Variants in TEAD1 observed in about 807,000 individuals in gnomAD.
The protein encoded by TEAD1 is transcriptional enhancer factor TEF-1.
TEAD1 carries 9 observed loss-of-function variants against 54.9 expected under a neutral mutation model. The ratio of observed to expected loss-of-function variants is 0.16; its 90% CI spans 0.10 to 0.29. The LOEUF (loss-of-function observed/expected upper bound fraction) is 0.29. TEAD1 is among the 10% of genes least tolerant of loss of function. The probability of loss-of-function intolerance (pLI) is 1.00; values close to 1 mark genes in which losing one functional copy is unlikely to be tolerated. For missense variants in TEAD1, 387 were observed against 535.9 expected (o/e 0.72, Z 2.74); for synonymous variants, 200 against 187.8 (o/e 1.07, Z -0.53).
chr11:12,894,781 C>T (rs1348794456), intron 9 of TEAD1, among the ~76,000 whole-genome samples: 1 of 152,158 alleles, frequency 6.6e-6, no homozygotes, highest in Non-Finnish European at 1.5e-5. Flanking sequence ...ATTGATTTCA[C>T]ATTATTTCGT....
rs904063984 is a variant in TEAD1, at chr11:12,687,909, A to C, written c.-55+12348A>C. ...CCTCCGGGCCAGGCTAATCCAAACT[A>C]TTCTCTAGGTGGGTGTAGTGGGTAG... On this transcript the variant is annotated intron_variant, in intron 2 of 12. Coordinates refer to ENST00000527636, the MANE Select transcript of TEAD1 (RefSeq NM_021961.6). 2.0e-5 allele frequency among the ~76,000 whole-genome samples: 3 copies of C among 152,136 alleles called. No individual in the cohort carries two copies. The South Asian group carries it at 6.2e-4, about 32-fold the overall frequency.
At chr11:12,859,756 G>GA (rs1947461679) in intron 3 of TEAD1, among the ~76,000 whole-genome samples, 2 of 152,080 alleles carry the variant, frequency 1.3e-5, no homozygotes. Context: ...AAATGGAGTA[G>GA]AAAAAATGTA....
chr11:12,718,648 T>A (rs979227646), intron 2 of TEAD1, among the ~76,000 whole-genome samples: 1 of 152,168 alleles, frequency 6.6e-6, no homozygotes, highest in Non-Finnish European at 1.5e-5. Flanking sequence ...AATGTGCTGA[T>A]TTTGTATAAG....
intron 2 of TEAD1, among the ~76,000 whole-genome samples, chr11:12,702,715 TTC>T (rs139292213): frequency 0.015 from 2,247 of 152,260 alleles, 51 homozygotes; most frequent in African/African-American, 0.052. Context: ...ACTTCCGTCC[TTC>T]TCTCGCCCGG....
chr11:12,906,040 T>G (rs1287556349), intron 10 of TEAD1, among the ~76,000 whole-genome samples: 1 of 152,142 alleles, frequency 6.6e-6, no homozygotes, highest in Non-Finnish European at 1.5e-5. Context: ...AAGATTCTAC[T>G]GGCATCCCAG....
At chr11:12,816,905 T>A (rs2133996629) in intron 3 of TEAD1, among the ~76,000 whole-genome samples, 1 of 152,320 alleles carries the variant, frequency 6.6e-6, no homozygotes, top group East Asian at 1.9e-4. Flanking sequence ...TTCTTCAAGA[T>A]GCCTTCTCTG....
At chr11:12,843,424 G>A (rs2134037857) in intron 3 of TEAD1, among the ~76,000 whole-genome samples, 1 of 152,350 alleles carries the variant, frequency 6.6e-6, no homozygotes, top group South Asian at 2.1e-4. Context: ...ACGCATTTTT[G>A]TGGATGTAAT....
At chr11:12,861,027 A>AAGG in intron 3 of TEAD1, among the ~76,000 whole-genome samples, 1 of 152,350 alleles carries the variant, frequency 6.6e-6, no homozygotes. Context: ...AATTTTTCAC[A>AAGG]AGGATAGAGC....
At chr11:12,730,755 C>T (rs1201353377) in intron 2 of TEAD1, among the ~76,000 whole-genome samples, 1 of 128,744 alleles carries the variant, frequency 7.8e-6, no homozygotes, top group African/African-American at 3.0e-5. Context: ...GGCTGGAGTG[C>T]ACTAGTGCAA....
Position 12,881,045 on chromosome 11 carries a change from C to G in TEAD1, c.506C>G (p.Ser169Ter). 1 of 1,614,140 alleles carries G rather than the reference C, an allele frequency of 6.2e-7. No homozygotes were observed. Among genetic ancestry groups the G allele is most frequent in the Non-Finnish European group, 8.5e-7 (1 of 1,180,024 alleles). The change falls in exon 7 of 13, where the codon TCA becomes TGA. Residue 169 changes from serine (S) to a stop codon, truncating the protein, a stop_gained. Transcript: ENST00000527636. LOFTEE classifies it high-confidence loss of function. ...ATTCAAACAGGGCAGCCAGGATCCTCACAAGAGTAAGTCTGAGGAGGGGTG... is the reference window on the plus strand; with the variant it reads ...ATTCAAACAGGGCAGCCAGGATCCTGACAAGAGTAAGTCTGAGGAGGGGTG...
chr11:12,734,578 C>G lies in TEAD1; in HGVS notation c.-54-29601C>G, dbSNP rs192748898. Among the ~76,000 whole-genome samples, 328 of 152,304 alleles carry G rather than the reference C, an allele frequency of 2.2e-3. 2 individuals carry two copies. Among genetic ancestry groups the G allele is most frequent in the African/African-American group, 7.6e-3 (317 of 41,564 alleles). On this transcript the variant is annotated intron_variant, in intron 2 of 12. Coordinates refer to ENST00000527636, the MANE Select transcript of TEAD1 (RefSeq NM_021961.6). ...GCAAGCTTCATTTATGGGAAGTGCC[C>G]TATGCAGGTGTACCATTTTAATCTT... is the stretch of plus-strand genomic sequence containing the variant.
intron 2 of TEAD1, among the ~76,000 whole-genome samples, chr11:12,701,679 A>G (rs992063534): frequency 2.7e-4 from 41 of 152,212 alleles, no homozygotes; most frequent in African/African-American, 9.1e-4. Flanking sequence ...CTAGTGGGAA[A>G]AGGGAGTTGT....
At chr11:12,823,806 A>G (rs759179212) in intron 3 of TEAD1, 1 of 152,128 alleles carries the variant, frequency 6.6e-6, no homozygotes. Context: ...GGCAACTATT[A>G]TGTCCCAGGC....
intron 3 of TEAD1, among the ~76,000 whole-genome samples, chr11:12,813,253 A>T (rs1178520561): frequency 6.6e-6 from 1 of 152,172 alleles, no homozygotes; most frequent in African/African-American, 2.4e-5. Flanking sequence ...AGGTGGAAGG[A>T]TGCCAGGGAA....
intron 2 of TEAD1, among the ~76,000 whole-genome samples, chr11:12,734,149 CAA>C (rs1366821088): frequency 2.6e-5 from 4 of 152,088 alleles, no homozygotes; most frequent in African/African-American, 4.8e-5. Flanking sequence ...CTCCTGGGCT[CAA>C]GAGATCCTTT....
At chr11:12,855,441 C>T (rs190003225) in intron 3 of TEAD1, among the ~76,000 whole-genome samples, 200 of 152,152 alleles carry the variant, frequency 1.3e-3, no homozygotes, top group African/African-American at 4.6e-3. Context: ...AGGCATGTGC[C>T]ACCACGCCCA....
intron 3 of TEAD1, among the ~76,000 whole-genome samples, chr11:12,802,211 C>T (rs1189226008): frequency 2.0e-5 from 3 of 152,180 alleles, no homozygotes; most frequent in Non-Finnish European, 4.4e-5. Flanking sequence ...TCTGAACCAG[C>T]CAAGTCAGCC....
At chr11:12,769,975 AG>A (rs1256066218) in intron 3 of TEAD1, among the ~76,000 whole-genome samples, 1 of 152,224 alleles carries the variant, frequency 6.6e-6, no homozygotes, top group African/African-American at 2.4e-5. Context: ...GGAAGTGGCT[AG>A]AAAAAAAGAA....
At chr11:12,716,296 G>A (rs937743859) in intron 2 of TEAD1, among the ~76,000 whole-genome samples, 3 of 152,114 alleles carry the variant, frequency 2.0e-5, no homozygotes, top group East Asian at 1.9e-4. Flanking sequence ...AGGTGTCTGC[G>A]AGGGAGTGCA....
Sources: gnomAD v4.1 joint callset for allele counts (sites outside exome capture counted in the v4.1 genomes callset) on GRCh38, gnomAD v4.1.1 for gene constraint, MANE v1.5 for transcripts, NCBI Gene and HGNC (gene_info 2026-07-23, HGNC 2026-07-21) for gene names.